Variants in SVEP1 observed in about 807,000 individuals in gnomAD.
SVEP1 encodes the protein sushi, von Willebrand factor type A, EGF and pentraxin domain containing 1, also known as sushi, von Willebrand factor type A, EGF and pentraxin domain-containing protein 1.
SVEP1 carries 164 observed loss-of-function variants against 367.3 expected under a neutral mutation model. That is an observed-to-expected ratio of 0.45 (90% CI 0.39 to 0.51). The LOEUF (loss-of-function observed/expected upper bound fraction) is 0.51, where lower values mean the gene tolerates loss of function less well. Ranked by LOEUF, SVEP1 falls within the 20% of genes least tolerant of loss-of-function variation. The pLI is 0.00. For synonymous variants in SVEP1, 1,666 were observed against 1,611.6 expected, an observed-to-expected ratio of 1.03 and a Z score of -0.81; for missense variants, 4,117 against 4,425.3, an observed-to-expected ratio of 0.93 and a Z score of 1.98.
chr9:110,548,963 T>C (rs1830251722), intron 2 of SVEP1, among the ~76,000 whole-genome samples: 1 of 152,060 alleles, frequency 6.6e-6, no homozygotes, highest in Admixed American at 6.5e-5. Context: ...TCTTTATTTA[T>C]TTATTTTTTT....
chr9:110,518,016 C>T (rs1360477418), intron 3 of SVEP1, among the ~76,000 whole-genome samples: 1 of 152,034 alleles, frequency 6.6e-6, no homozygotes, highest in Non-Finnish European at 1.5e-5. Context: ...TATGGTTTTA[C>T]AAGGTATGTA....
In SVEP1 at chr9:110,450,390, T is replaced by C. The variant is rs907953873; in HGVS notation, c.3902-130A>G. The C allele has an allele frequency of 1.6e-5, 14 of 876,628 alleles. No individual in the cohort carries two copies. The African/African-American group carries it at 2.4e-4, about 15-fold the overall frequency. 54.3% of individuals were successfully genotyped at this position (876,628 alleles called of 1,614,324 possible). A position where few individuals can be genotyped will look rare whatever the true frequency, so the allele number is the denominator to read the frequency against. Reference sequence around the variant, plus strand: ...ATGGAGGCTGTGGAGCCCATCAAACTGGTTTGAGATCCATTCTGTAATGGG... The same window carrying C: ...ATGGAGGCTGTGGAGCCCATCAAACCGGTTTGAGATCCATTCTGTAATGGG... On this transcript the variant is annotated intron_variant, in intron 23 of 47. Coordinates refer to ENST00000374469, the MANE Select transcript of SVEP1 (RefSeq NM_153366.4).
At chr9:110,521,296 G>A (rs1401035684) in intron 3 of SVEP1, among the ~76,000 whole-genome samples, 1 of 152,192 alleles carries the variant, frequency 6.6e-6, no homozygotes, top group African/African-American at 2.4e-5. Flanking sequence ...TTAGCAGCCT[G>A]TCGTTCTCCC....
At chr9:110,493,357 C>G (rs769945914) in intron 8 of SVEP1, among the ~76,000 whole-genome samples, 1 of 152,034 alleles carries the variant, frequency 6.6e-6, no homozygotes, top group African/African-American at 2.4e-5. Flanking sequence ...ACTTTTGAAC[C>G]TTTCCTCAAA....
intron 35 of SVEP1, among the ~76,000 whole-genome samples, chr9:110,428,401 C>CAT (rs912458592): frequency 3.2e-5 from 4 of 124,218 alleles, no homozygotes; most frequent in Non-Finnish European, 6.6e-5. Flanking sequence ...TCTGTTTAAA[C>CAT]ACACACACAC....
At chr9:110,387,105 G>C (rs556339240) in intron 42 of SVEP1, among the ~76,000 whole-genome samples, 180 bp downstream of exon 42, 1 of 152,204 alleles carries the variant, frequency 6.6e-6, no homozygotes, top group African/African-American at 2.4e-5. Context: ...TTCTCAGACA[G>C]GACTTAGATA....
In SVEP1 at chr9:110,517,778, C is replaced by T. The variant is rs74476528; in HGVS notation, c.965-3672G>A. Among the ~76,000 whole-genome samples the T allele has an allele frequency of 3.3e-3, 387 of 116,758 alleles. 1 individual carries two copies. Among genetic ancestry groups the T allele is most frequent in the African/African-American group, 0.012 (372 of 29,916 alleles). The allele number at this position is 116,758 out of a possible 152,430, so 76.6% of individuals were successfully genotyped here. On this transcript the variant is annotated intron_variant, in intron 3 of 47. Coordinates refer to ENST00000374469, the MANE Select transcript of SVEP1 (RefSeq NM_153366.4). Reference sequence around the variant, plus strand: ...AAAAAAAAAAAAAAAAAAAAAAAAGCCATACTTCATTTACTGAGAAAGAAA... The same window carrying T: ...AAAAAAAAAAAAAAAAAAAAAAAAGTCATACTTCATTTACTGAGAAAGAAA...
intron 31 of SVEP1, 46 bp from the exon 32 acceptor site, chr9:110,432,080 G>A (rs766717266): frequency 2.3e-5 from 36 of 1,548,518 alleles, no homozygotes; most frequent in East Asian, 1.8e-4. Context: ...TTCCTTTTCC[G>A]TATGTATCAA....
intron 32 of SVEP1, among the ~76,000 whole-genome samples, chr9:110,431,069 G>A (rs1828343219): frequency 6.6e-6 from 1 of 152,220 alleles, no homozygotes; most frequent in African/African-American, 2.4e-5. Context: ...AGCTATATAA[G>A]TCAAGGAGTT....
At position 110,406,683 on chromosome 9, in the gene SVEP1, A is replaced by G. The variant is rs1397334379; in HGVS notation, c.8917T>C (p.Tyr2973His). 1 of 1,614,014 alleles carries G rather than the reference A, an allele frequency of 6.2e-7. No individual in the cohort carries two copies. Among genetic ancestry groups the G allele is most frequent in the South Asian group, 1.1e-5 (1 of 91,082 alleles). Reference protein sequence around the residue: ...FSFIHGGHIQYQCFPGYKLHG... With the variant: ...FSFIHGGHIQHQCFPGYKLHG... ...AGCTTATAACCAGGAAAGCACTGATACTGTATATGGCCCCCATGAATAAAG... is the reference window on the plus strand; with the variant it reads ...AGCTTATAACCAGGAAAGCACTGATGCTGTATATGGCCCCCATGAATAAAG... The change falls in exon 38 of 48, where the codon TAT becomes CAT. Residue 2973 changes from tyrosine (Y) to histidine (H), a missense_variant. Tyr to His is a moderately conservative substitution (Grantham distance 83). Around this residue, in one of 4 missense-constraint regions of SVEP1, gnomAD observed 1,765 missense variants for 1,781.1 expected, o/e 0.99. Transcript: ENST00000374469.
intron 40 of SVEP1, among the ~76,000 whole-genome samples, chr9:110,390,080 T>C (rs1186944728): frequency 5.6e-4 from 73 of 129,956 alleles, no homozygotes; most frequent in African/African-American, 2.0e-3. Flanking sequence ...TATATATACG[T>C]GTATATATAC....
At chr9:110,378,482 T>C (rs1827385654) in intron 44 of SVEP1, among the ~76,000 whole-genome samples, 1 of 152,158 alleles carries the variant, frequency 6.6e-6, no homozygotes, top group Non-Finnish European at 1.5e-5. Flanking sequence ...GAGTTCATTG[T>C]AGATTCTGGA....
In SVEP1 at chr9:110,455,590, C is replaced by G. The variant is rs1463791338; in HGVS notation, c.3787G>C (p.Gly1263Arg). The change falls in exon 22 of 48, where the codon GGT (glycine) becomes CGT (arginine). Residue 1263 changes from glycine to arginine, a missense_variant and splice_region_variant. Coordinates refer to ENST00000374469, the MANE Select transcript of SVEP1 (RefSeq NM_153366.4). Reference protein sequence around the residue: ...FICECPSGYTGQRCEENINEC... With the variant: ...FICECPSGYTRQRCEENINEC... ...TGAAAACAGGAGACCTTCCCCTTAC[C>G]TGTGTAACCTGATGGGCACTCACAA... 6.2e-7 allele frequency: 1 copy of G among 1,609,578 alleles called. No homozygotes were observed. Among genetic ancestry groups the G allele is most frequent in the Non-Finnish European group, 8.5e-7 (1 of 1,177,730 alleles).
intron 13 of SVEP1, 39 bp from the exon 14 acceptor site, chr9:110,476,354 T>C (rs772242595): frequency 6.8e-7 from 1 of 1,469,296 alleles, no homozygotes; most frequent in Non-Finnish European, 9.5e-7. Context: ...TGTAAATCAC[T>C]TTTCTGCATG....
At chr9:110,549,776 T>C (rs1009262794) in intron 2 of SVEP1, 73 bp downstream of exon 2, 10 of 1,558,544 alleles carry the variant, frequency 6.4e-6, no homozygotes, top group Admixed American at 5.6e-5. Context: ...TACCCTCCCA[T>C]GGGTTTCAAG....
rs1564127407 is a variant in SVEP1 at position 110,390,251 on chromosome 9, TTATATAAGTATG to T, written c.9823-676_9823-665del. Among the ~76,000 whole-genome samples the T allele has an allele frequency of 4.6e-4, 54 of 118,680 alleles. 1 individual carries two copies. The highest frequency in any genetic ancestry group is 1.6e-3 in the African/African-American group (50 of 31,542). 77.9% of individuals were successfully genotyped at this position (118,680 alleles called of 152,430 possible). On this transcript the variant is annotated intron_variant, in intron 40 of 47. Transcript: ENST00000374469. ...CTTATATAAGTATGTGTATATATAC[TTATATAAGTATG>T]TATATATATACTTATATATATACAT... is the stretch of plus-strand genomic sequence containing the variant.
intron 36 of SVEP1, among the ~76,000 whole-genome samples, chr9:110,425,353 T>TAA (rs1258455922): frequency 6.6e-6 from 1 of 152,234 alleles, no homozygotes; most frequent in African/African-American, 2.4e-5. Context: ...TTCATATATA[T>TAA]AACACACTTT....
chr9:110,427,322 A>AAAAGTAT (rs1242726450), intron 36 of SVEP1, among the ~76,000 whole-genome samples: 1 of 150,668 alleles, frequency 6.6e-6, no homozygotes, highest in Non-Finnish European at 1.5e-5. Context: ...AAAAAAAAAA[A>AAAAGTAT]AAAGTATAAT....
intron 40 of SVEP1, among the ~76,000 whole-genome samples, chr9:110,399,533 T>TTTTTTG (rs1247955738): frequency 3.9e-5 from 6 of 152,014 alleles, no homozygotes; most frequent in Non-Finnish European, 7.4e-5. Context: ...GATGAATACT[T>TTTTTTG]TTTTTGTTTT....
Sources: allele counts gnomAD v4.1 joint callset (sites outside exome capture counted in the v4.1 genomes callset), GRCh38; gene constraint gnomAD v4.1.1; regional missense constraint gnomAD v4.1.1; transcripts MANE v1.5; gene names NCBI Gene and HGNC (gene_info 2026-07-23, HGNC 2026-07-21).